SYNPR: variants seen among roughly 807,000 people sequenced by gnomAD.
SYNPR encodes synaptoporin.
In SYNPR, 23 loss-of-function variants were observed where a neutral mutation model predicts 32.9. The ratio of observed to expected loss-of-function variants is 0.70; its 90% CI spans 0.50 to 0.99. The LOEUF is 0.99. Ranked by LOEUF, SYNPR falls within the 50% of genes least tolerant of loss-of-function variation. The pLI, the probability that SYNPR is intolerant of heterozygous loss-of-function variation, is 0.00. For missense variants in SYNPR, 318 were observed against 349.3 expected, an observed-to-expected ratio of 0.91 and a Z score of 0.71; for synonymous variants, 146 against 135.9, an observed-to-expected ratio of 1.07 and a Z score of -0.52.
At chr3:63,555,747 G>T (rs1233119832) in intron 3 of SYNPR, among the ~76,000 whole-genome samples, 1 of 152,128 alleles carries the variant, frequency 6.6e-6, no homozygotes, top group Non-Finnish European at 1.5e-5. Context: ...AATGTCAGGT[G>T]TTTGGGATCA....
chr3:63,578,798 C>T (rs1703037949), intron 4 of SYNPR, among the ~76,000 whole-genome samples: 1 of 152,132 alleles, frequency 6.6e-6, no homozygotes, highest in Non-Finnish European at 1.5e-5. Context: ...GACTTGCCTG[C>T]ATGGCAGAAC....
chr3:63,595,787 T>TTA (rs1307628320), intron 4 of SYNPR, among the ~76,000 whole-genome samples: 1 of 28,216 alleles, frequency 3.5e-5, no homozygotes, highest in Non-Finnish European at 5.5e-5. Flanking sequence ...ATATATATAG[T>TTA]TATATATATA....
chr3:63,556,746 G>A lies in SYNPR; in HGVS notation c.408+5G>A. The A allele has an allele frequency of 6.3e-7, 1 of 1,599,546 alleles. No individual in the cohort carries two copies. ...AACAACCGGGGCCCACTCATTGTAA[G>A]TGGTTTTCTTTTTCAAATAACTTTT... On this transcript the variant is annotated splice_donor_5th_base_variant and intron_variant, in intron 4 of 5. Coordinates refer to ENST00000478300, the MANE Select transcript of SYNPR (RefSeq NM_001130003.2).
Position 63,284,118 on chromosome 3 carries a change from T to G in SYNPR, c.84+5376T>G, listed in dbSNP as rs191024244. ...CTACCATGCCCGACCCACAGGTAATTCTTATTTTGCTACTTTAGTATTTTG... is the reference window on the plus strand; with the variant it reads ...CTACCATGCCCGACCCACAGGTAATGCTTATTTTGCTACTTTAGTATTTTG... On this transcript the variant is annotated intron_variant, in intron 2 of 5. Coordinates refer to ENST00000478300, the MANE Select transcript of SYNPR (RefSeq NM_001130003.2). Among the ~76,000 whole-genome samples the G allele has an allele frequency of 2.2e-4, 34 of 152,276 alleles. No individual in the cohort carries two copies. In the East Asian group the frequency reaches 5.8e-3, roughly 26 times the overall value.
chr3:63,577,428 C>A (rs1703003712), intron 4 of SYNPR, among the ~76,000 whole-genome samples: 1 of 151,980 alleles, frequency 6.6e-6, no homozygotes, highest in African/African-American at 2.4e-5. Flanking sequence ...GAAGAAAGGA[C>A]AAGGAATTGA....
chr3:63,343,614 A>C (rs1356815716), intron 2 of SYNPR, among the ~76,000 whole-genome samples: 1 of 152,218 alleles, frequency 6.6e-6, no homozygotes, highest in East Asian at 1.9e-4. Flanking sequence ...ATCTAAGTCC[A>C]TGAAGTTTAG....
At chr3:63,604,470 G>A (rs1230907465) in intron 4 of SYNPR, among the ~76,000 whole-genome samples, 1 of 152,076 alleles carries the variant, frequency 6.6e-6, no homozygotes, top group African/African-American at 2.4e-5. Context: ...ACTTTTTGAT[G>A]TGGGTGTTTA....
intron 2 of SYNPR, among the ~76,000 whole-genome samples, chr3:63,413,094 C>A (rs1037595018): frequency 1.3e-5 from 2 of 152,156 alleles, no homozygotes; most frequent in Admixed American, 1.3e-4. Flanking sequence ...ATACTTTATT[C>A]TTTTTATGGT....
chr3:63,217,676 G>T, the SYNPR span, among the ~76,000 whole-genome samples: 2 of 151,574 alleles, frequency 1.3e-5, no homozygotes, highest in African/African-American at 4.9e-5. Flanking sequence ...CTTCTGCGTC[G>T]CTCACGCTGG....
At chr3:63,482,312 G>A (rs1701064299) in intron 3 of SYNPR, among the ~76,000 whole-genome samples, 3 of 152,132 alleles carry the variant, frequency 2.0e-5, no homozygotes, top group South Asian at 4.1e-4. Context: ...TCATTTAAAA[G>A]ATTTTTACCT....
intron 2 of SYNPR, among the ~76,000 whole-genome samples, chr3:63,401,432 C>A (rs1042149093): frequency 1.3e-5 from 2 of 152,134 alleles, no homozygotes; most frequent in Non-Finnish European, 2.9e-5. Flanking sequence ...CTGTATAAGG[C>A]GTGGCTAGGA....
rs1363240496 is a variant in SYNPR, at chr3:63,609,076, A to C, written c.409-49A>C. ...TATATAAACAAATCAACTTGTTTCT[A>C]GAACTCACATTTTCTTTTACCATTT... On this transcript the variant is annotated intron_variant, in intron 4 of 5. Transcript: ENST00000478300. 2.6e-6 allele frequency: 4 copies of C among 1,534,674 alleles called. No homozygotes were observed. In the Middle Eastern group the frequency reaches 5.1e-4, roughly 194 times the overall value.
intron 2 of SYNPR, among the ~76,000 whole-genome samples, chr3:63,437,336 G>A (rs542622404): frequency 1.1e-4 from 17 of 152,226 alleles, no homozygotes; most frequent in South Asian, 4.2e-4. Flanking sequence ...GTATGCATTC[G>A]TTTACAAGCG....
intron 2 of SYNPR, among the ~76,000 whole-genome samples, chr3:63,317,533 C>T (rs2087056142): frequency 1.3e-5 from 2 of 151,908 alleles, no homozygotes; most frequent in South Asian, 4.2e-4. Context: ...TTTGTTTTGT[C>T]TGAAAAAAGA....
the SYNPR span, among the ~76,000 whole-genome samples, chr3:63,221,831 A>C: frequency 6.6e-6 from 1 of 152,166 alleles, no homozygotes; most frequent in Admixed American, 6.5e-5. Flanking sequence ...AAAACTAGGT[A>C]CAAAAATTTA....
chr3:63,539,261 A>G (rs1247544077), intron 3 of SYNPR, among the ~76,000 whole-genome samples: 3 of 152,180 alleles, frequency 2.0e-5, no homozygotes, highest in Non-Finnish European at 4.4e-5. Context: ...AGTAGAATCC[A>G]TGAAGGGAGG....
intron 2 of SYNPR, among the ~76,000 whole-genome samples, chr3:63,479,853 G>T (rs1001831169): frequency 2.0e-5 from 3 of 152,168 alleles, no homozygotes; most frequent in Non-Finnish European, 4.4e-5. Context: ...GTTGACTTCT[G>T]TGCAATAACT....
the SYNPR span, among the ~76,000 whole-genome samples, chr3:63,203,045 T>C: frequency 1.0e-5 from 1 of 99,102 alleles, no homozygotes; most frequent in Non-Finnish European, 2.0e-5. Flanking sequence ...ATTATAAATA[T>C]AAATACATAT....
intron 2 of SYNPR, among the ~76,000 whole-genome samples, chr3:63,306,262 A>C (rs2086909565): frequency 6.6e-6 from 1 of 152,014 alleles, no homozygotes; most frequent in Non-Finnish European, 1.5e-5. Context: ...AGCTGACTGC[A>C]GCCCACAGGA....
Sources: allele counts gnomAD v4.1 joint callset (sites outside exome capture counted in the v4.1 genomes callset), GRCh38; gene constraint gnomAD v4.1.1; transcripts MANE v1.5; gene names NCBI Gene and HGNC (gene_info 2026-07-23, HGNC 2026-07-21).